Variants in AK5 observed in about 807,000 individuals in gnomAD.
The protein encoded by AK5 is adenylate kinase isoenzyme 5.
AK5 carries 27 observed loss-of-function variants against 69.5 expected under a neutral mutation model. The observed-to-expected ratio is 0.39, with a 90% CI of 0.29 to 0.54. The LOEUF is 0.54. AK5 is among the 20% of genes least tolerant of loss of function. The pLI is 0.71. For synonymous variants in AK5, 260 were observed against 244.4 expected (o/e 1.06, Z -0.60); for missense variants, 531 against 700.4 (o/e 0.76, Z 2.73).
chr1:77,417,539 A>T, intron 7 of AK5, 100 bp from the exon 8 acceptor site: 1 of 730,378 alleles, frequency 1.4e-6, no homozygotes, highest in Non-Finnish European at 2.4e-6. Flanking sequence ...TGTGAATTTA[A>T]TGTGATATAG....
chr1:77,443,744 G>A (rs1461318902), intron 8 of AK5, among the ~76,000 whole-genome samples: 5 of 148,718 alleles, frequency 3.4e-5, no homozygotes, highest in Non-Finnish European at 1.5e-5. Context: ...TTTCCATAGT[G>A]ATATTGAGCT....
At chr1:77,314,997 G>A (rs1324717689) in intron 5 of AK5, 2 of 152,068 alleles carry the variant, frequency 1.3e-5, no homozygotes, top group African/African-American at 2.4e-5. Flanking sequence ...AATGAATAAT[G>A]TACCCTTACG....
intron 6 of AK5, among the ~76,000 whole-genome samples, chr1:77,362,901 C>A (rs1331122303): frequency 6.6e-6 from 1 of 152,182 alleles, no homozygotes; most frequent in East Asian, 1.9e-4. Flanking sequence ...TCTTAGAAAT[C>A]TGTCCTGATG....
intron 12 of AK5, among the ~76,000 whole-genome samples, chr1:77,530,491 T>C (rs1658518293): frequency 6.6e-6 from 1 of 152,224 alleles, no homozygotes; most frequent in South Asian, 2.1e-4. Flanking sequence ...TGCTGTAGCA[T>C]GCGACTTAGG....
At chr1:77,419,263 T>A (rs1650643136) in intron 8 of AK5, among the ~76,000 whole-genome samples, 1 of 152,162 alleles carries the variant, frequency 6.6e-6, no homozygotes, top group Non-Finnish European at 1.5e-5. Flanking sequence ...GCCTTTTCAG[T>A]TGCTGACCCA....
At position 77,483,311 on chromosome 1, in the gene AK5, T is replaced by A; in HGVS notation, c.1060-6T>A. The A allele has an allele frequency of 6.2e-7, 1 of 1,609,552 alleles. No homozygotes were observed. The highest frequency in any genetic ancestry group is 8.5e-7 in the Non-Finnish European group (1 of 1,175,818). On this transcript the variant is annotated splice_polypyrimidine_tract_variant and splice_region_variant and intron_variant, in intron 8 of 13. Coordinates refer to ENST00000354567, the MANE Select transcript of AK5 (RefSeq NM_174858.3). ...TTATTATCTAATATTGTGATTTTTT[T>A]AACAGGGTGATGACCAGTTAAATGT...
intron 8 of AK5, among the ~76,000 whole-genome samples, chr1:77,437,701 A>G (rs1361261268): frequency 1.3e-5 from 2 of 152,168 alleles, no homozygotes; most frequent in African/African-American, 4.8e-5. Context: ...AATTCCGGCA[A>G]TAAATTTATC....
intron 10 of AK5, among the ~76,000 whole-genome samples, chr1:77,504,519 A>T (rs1557641393): frequency 1.3e-5 from 2 of 152,126 alleles, no homozygotes; most frequent in African/African-American, 4.8e-5. Flanking sequence ...ACAAAACCTC[A>T]TGGGCATCTT....
At chr1:77,466,220 T>A (rs1654132512) in intron 8 of AK5, among the ~76,000 whole-genome samples, 1 of 152,128 alleles carries the variant, frequency 6.6e-6, no homozygotes, top group African/African-American at 2.4e-5. Context: ...TCCTGGGACA[T>A]GTTTGTCACT....
intron 5 of AK5, among the ~76,000 whole-genome samples, chr1:77,328,919 G>A (rs2100347348): frequency 6.6e-6 from 1 of 152,300 alleles, no homozygotes; most frequent in East Asian, 1.9e-4. Flanking sequence ...AAGCCTAAGA[G>A]GCTGTTGCCA....
At chr1:77,331,317 A>T (rs1445146100) in intron 5 of AK5, among the ~76,000 whole-genome samples, 1 of 152,110 alleles carries the variant, frequency 6.6e-6, no homozygotes. Flanking sequence ...AAAGGTTTCA[A>T]CATTTCCCAA....
chr1:77,489,986 G>C (rs1315411376), intron 10 of AK5, among the ~76,000 whole-genome samples: 1 of 152,120 alleles, frequency 6.6e-6, no homozygotes, highest in African/African-American at 2.4e-5. Flanking sequence ...TGAGAACTCC[G>C]CTGTAATCAC....
At chr1:77,494,017 C>CA (rs1362990017) in intron 10 of AK5, among the ~76,000 whole-genome samples, 4 of 152,048 alleles carry the variant, frequency 2.6e-5, no homozygotes, top group Non-Finnish European at 4.4e-5. Context: ...CCGTGAAATT[C>CA]AAAAAGACAT....
intron 12 of AK5, among the ~76,000 whole-genome samples, chr1:77,526,128 T>G (rs950288862): frequency 6.6e-6 from 1 of 152,188 alleles, no homozygotes; most frequent in Non-Finnish European, 1.5e-5. Context: ...TGTGGATAAG[T>G]CCCTAGGGAT....
intron 10 of AK5, among the ~76,000 whole-genome samples, chr1:77,505,411 C>T (rs1656966840): frequency 6.6e-6 from 1 of 152,098 alleles, no homozygotes; most frequent in East Asian, 1.9e-4. Flanking sequence ...ACTAGAAAAC[C>T]ACATGTAGGA....
At chr1:77,426,964 G>C (rs1651251806) in intron 8 of AK5, among the ~76,000 whole-genome samples, 1 of 152,072 alleles carries the variant, frequency 6.6e-6, no homozygotes, top group Non-Finnish European at 1.5e-5. Flanking sequence ...CAAAATTTGT[G>C]AGATGCACCA....
chr1:77,544,661 A>C (rs1182361020), intron 13 of AK5, among the ~76,000 whole-genome samples: 2 of 151,918 alleles, frequency 1.3e-5, no homozygotes, highest in African/African-American at 2.4e-5. Context: ...TATCTTGCCC[A>C]CTGGAAGGTC....
intron 10 of AK5, among the ~76,000 whole-genome samples, chr1:77,493,331 C>CG (rs1287788754): frequency 2.0e-5 from 3 of 151,512 alleles, no homozygotes. Context: ...ACCAGCAGCC[C>CG]CCCCCAGGTT....
intron 10 of AK5, among the ~76,000 whole-genome samples, chr1:77,488,717 G>C (rs915006998): frequency 1.4e-4 from 21 of 152,230 alleles, no homozygotes; most frequent in African/African-American, 4.8e-4. Flanking sequence ...TGAGAGGGTA[G>C]GCCAGTCTCT....
Sources: allele counts gnomAD v4.1 joint callset (sites outside exome capture counted in the v4.1 genomes callset), GRCh38; gene constraint gnomAD v4.1.1; transcripts MANE v1.5; gene names NCBI Gene and HGNC (gene_info 2026-07-23, HGNC 2026-07-21).